The following MARK3 variants were observed in gnomAD, a reference collection of about 807,000 sequenced individuals.
The protein encoded by MARK3 is microtubule affinity regulating kinase 3, also known as MAP/microtubule affinity-regulating kinase 3.
Under a neutral mutation model 90.1 loss-of-function variants are expected in MARK3, and 46 were observed. The observed-to-expected ratio is 0.51, with a 90% CI of 0.40 to 0.65. The LOEUF (loss-of-function observed/expected upper bound fraction) is 0.65. Ranked by LOEUF, MARK3 falls within the 30% of genes least tolerant of loss-of-function variation. The pLI is 0.00. For missense variants in MARK3, 818 were observed against 947.2 expected, an observed-to-expected ratio of 0.86 and a Z score of 1.79; for synonymous variants, 321 against 332.6, an observed-to-expected ratio of 0.97 and a Z score of 0.38.
At chr14:103,463,476 C>G (rs1242628689) in intron 7 of MARK3, among the ~76,000 whole-genome samples, 1 of 152,174 alleles carries the variant, frequency 6.6e-6, no homozygotes, top group African/African-American at 2.4e-5. Flanking sequence ...TTGGGTGCAG[C>G]AGGTTCAAAT....
chr14:103,405,871 AC>A (rs1200855871), intron 2 of MARK3, among the ~76,000 whole-genome samples: 1 of 151,456 alleles, frequency 6.6e-6, no homozygotes, highest in Non-Finnish European at 1.5e-5. Flanking sequence ...TGCTGGGATT[AC>A]AGGCATGAGC....
At chr14:103,502,720 T>G (rs759316339) in intron 17 of MARK3, among the ~76,000 whole-genome samples, 162 bp from the exon 18 acceptor site, 1 of 152,130 alleles carries the variant, frequency 6.6e-6, no homozygotes, top group Non-Finnish European at 1.5e-5. Flanking sequence ...GGGAAGAAAA[T>G]AGACGAAAAT....
intron 1 of MARK3, among the ~76,000 whole-genome samples, chr14:103,397,326 A>T (rs113476242): frequency 2.1e-3 from 273 of 133,060 alleles, no homozygotes; most frequent in African/African-American, 4.8e-3. Flanking sequence ...CTGAATAAAC[A>T]TTTTTTTTTT....
intron 1 of MARK3, among the ~76,000 whole-genome samples, chr14:103,388,122 G>A (rs993103627): frequency 6.6e-6 from 1 of 152,072 alleles, no homozygotes; most frequent in Non-Finnish European, 1.5e-5. Flanking sequence ...GTAGAGACGG[G>A]GTTTCTCCAT....
At chr14:103,386,353 G>C (rs1026508796) in intron 1 of MARK3, 1 of 687,450 alleles carries the variant, frequency 1.5e-6, no homozygotes, top group Non-Finnish European at 2.7e-6. Context: ...TCGGTGCTTT[G>C]AGAGGCCAGG....
At chr14:103,462,917 GA>G (rs975171128) in intron 7 of MARK3, among the ~76,000 whole-genome samples, 1 of 152,132 alleles carries the variant, frequency 6.6e-6, no homozygotes, top group Non-Finnish European at 1.5e-5. Context: ...ACACCATGCA[GA>G]AACTCTCATT....
At chr14:103,414,188 AG>A (rs1156749368) in intron 2 of MARK3, among the ~76,000 whole-genome samples, 11 of 150,202 alleles carry the variant, frequency 7.3e-5, no homozygotes, top group South Asian at 2.1e-4. Context: ...TTTATTACTT[AG>A]TACTTTTCTT....
At position 103,466,396 on chromosome 14, in the gene MARK3, A is replaced by G. The variant is rs2093502835; in HGVS notation, c.951A>G (p.Lys317=). 5 of 1,613,936 alleles carry G rather than the reference A, an allele frequency of 3.1e-6. No individual in the cohort carries two copies. The highest frequency in any genetic ancestry group is 4.2e-6 in the Non-Finnish European group (5 of 1,179,968). ...INAGHEEDEL[K]PFVEPELDIS... ...CAGGGCATGAAGAAGATGAACTCAA[A>G]CCATTTGTTGAACCAGAGCTAGACA... The change falls in exon 10 of 18, where the codon AAA becomes AAG. Residue 317 remains lysine (K), a synonymous_variant. Coordinates refer to ENST00000429436, the MANE Select transcript of MARK3 (RefSeq NM_001128918.3).
chr14:103,474,161 C>A (rs940472709), intron 12 of MARK3, among the ~76,000 whole-genome samples: 1 of 152,010 alleles, frequency 6.6e-6, no homozygotes, highest in Admixed American at 6.6e-5. Context: ...GCCGCGATTG[C>A]GCCACTGCAC....
intron 12 of MARK3, among the ~76,000 whole-genome samples, chr14:103,470,455 A>ATTTTTTTTTTTTTTTTTT (rs6145477): frequency 0.088 from 4,857 of 54,886 alleles, 1,784 homozygotes; most frequent in Non-Finnish European, 0.12. Flanking sequence ...AACTAAATCT[A>ATTTTTTTTTTTTTTTTTT]TTTTTTTTTT....
chr14:103,497,248 A>G lies in MARK3; in HGVS notation c.1845-1254A>G, dbSNP rs575867120. ...ATTATGAAGTGGTTGGCAGTTATTTATAGTAGTTAGACTTTTTTTAAATTG... is the reference window on the plus strand; with the variant it reads ...ATTATGAAGTGGTTGGCAGTTATTTGTAGTAGTTAGACTTTTTTTAAATTG... On this transcript the variant is annotated intron_variant, in intron 15 of 17. Transcript: ENST00000429436. Among the ~76,000 whole-genome samples the G allele has an allele frequency of 1.5e-4, 23 of 152,306 alleles. No homozygotes were observed. In the South Asian group the frequency reaches 4.8e-3, roughly 32 times the overall value.
chr14:103,495,634 CTTG>C (rs1168459612), intron 15 of MARK3, among the ~76,000 whole-genome samples: 9 of 152,150 alleles, frequency 5.9e-5, no homozygotes, highest in Non-Finnish European at 1.3e-4. Context: ...GAGACTCAGG[CTTG>C]TTGTTTAAAA....
chr14:103,442,158 G>T (rs1013242425), intron 3 of MARK3, among the ~76,000 whole-genome samples: 9 of 152,066 alleles, frequency 5.9e-5, no homozygotes, highest in African/African-American at 2.2e-4. Context: ...CATGAGGTCA[G>T]GAGATTGAGA....
At position 103,465,651 on chromosome 14, in the gene MARK3, T is replaced by C. The variant is rs2093488767; in HGVS notation, c.635T>C (p.Phe212Ser). 1.2e-6 allele frequency: 2 copies of C among 1,614,056 alleles called. No individual in the cohort carries two copies. Among genetic ancestry groups the C allele is most frequent in the African/African-American group, 1.3e-5 (1 of 74,914 alleles). The change falls in exon 8 of 18, where the codon TTT (phenylalanine) becomes TCT (serine). Residue 212 changes from phenylalanine (F) to serine (S), a missense_variant. Around this residue, in one of 3 missense-constraint regions of MARK3, gnomAD observed 101 missense variants for 175.1 expected, o/e 0.58. Coordinates refer to ENST00000429436, the MANE Select transcript of MARK3 (RefSeq NM_001128918.3). ...EFTVGGKLDT[F>S]CGSPPYAAPE... ...ACTGTTGGCGGTAAACTCGACACGT[T>C]TTGTGGCAGTCCTCCATACGCAGCA...
intron 2 of MARK3, among the ~76,000 whole-genome samples, chr14:103,415,478 T>C (rs1348550567): frequency 6.6e-6 from 1 of 152,238 alleles, no homozygotes; most frequent in African/African-American, 2.4e-5. Context: ...ATTATCCATA[T>C]TGTCCTGGAA....
At chr14:103,391,445 C>G (rs2090235373) in intron 1 of MARK3, among the ~76,000 whole-genome samples, 1 of 151,952 alleles carries the variant, frequency 6.6e-6, no homozygotes, top group African/African-American at 2.4e-5. Context: ...ATCAAATATG[C>G]AGTATTTAAA....
At chr14:103,394,675 G>T (rs1043941418) in intron 1 of MARK3, among the ~76,000 whole-genome samples, 4 of 152,134 alleles carry the variant, frequency 2.6e-5, no homozygotes, top group African/African-American at 9.7e-5. Flanking sequence ...TAAATATTGT[G>T]GGGTTTGTGT....
intron 6 of MARK3, among the ~76,000 whole-genome samples, chr14:103,460,242 C>T (rs570620064): frequency 8.0e-4 from 122 of 151,916 alleles, no homozygotes; most frequent in Non-Finnish European, 1.3e-3. Context: ...CCTGCCACTA[C>T]GCCCGGCTAA....
chr14:103,491,292 T>A (rs1250838571), intron 14 of MARK3: 1 of 247,324 alleles, frequency 4.0e-6, no homozygotes, highest in Non-Finnish European at 7.6e-6. Flanking sequence ...TCTTCGTGCC[T>A]TCGCGTACTA....
Sources: allele counts gnomAD v4.1 joint callset (sites outside exome capture counted in the v4.1 genomes callset), GRCh38; gene constraint gnomAD v4.1.1; regional missense constraint gnomAD v4.1.1; transcripts MANE v1.5; gene names NCBI Gene and HGNC (gene_info 2026-07-23, HGNC 2026-07-21).